NOS1AP: variants seen among roughly 807,000 people sequenced by gnomAD.
NOS1AP encodes the protein carboxyl-terminal PDZ ligand of neuronal nitric oxide synthase protein.
A neutral mutation model predicts 56.2 loss-of-function variants in NOS1AP; 21 were observed. That is an observed-to-expected ratio of 0.37 (90% CI 0.26 to 0.54). NOS1AP has a LOEUF of 0.54. NOS1AP is among the 20% of genes least tolerant of loss of function. The probability of loss-of-function intolerance (pLI) is 0.84; values close to 1 mark genes in which losing one functional copy is unlikely to be tolerated. For missense variants in NOS1AP, 522 were observed against 657.8 expected (o/e 0.79, Z 2.26); for synonymous variants, 270 against 274.6 (o/e 0.98, Z 0.17).
chr1:162,277,755 C>T (rs1186586386), intron 2 of NOS1AP, among the ~76,000 whole-genome samples: 1 of 152,210 alleles, frequency 6.6e-6, no homozygotes, highest in African/African-American at 2.4e-5. Flanking sequence ...TTGTGTTCAC[C>T]TGTGCTGGCA....
intron 2 of NOS1AP, among the ~76,000 whole-genome samples, chr1:162,191,937 A>G (rs971359114): frequency 1.3e-5 from 2 of 152,100 alleles, no homozygotes; most frequent in African/African-American, 2.4e-5. Flanking sequence ...GTTCTATTCT[A>G]CTGCTACTCA....
chr1:162,103,512 G>A (rs1363636888), intron 1 of NOS1AP, among the ~76,000 whole-genome samples: 1 of 152,132 alleles, frequency 6.6e-6, no homozygotes, highest in Non-Finnish European at 1.5e-5. Context: ...TCAATGGTCT[G>A]TCTAATATTG....
At chr1:162,223,062 C>A (rs1652839112) in intron 2 of NOS1AP, among the ~76,000 whole-genome samples, 1 of 152,164 alleles carries the variant, frequency 6.6e-6, no homozygotes, top group African/African-American at 2.4e-5. Context: ...GACGTTGTAA[C>A]ATTTTATTCA....
intron 5 of NOS1AP, chr1:162,342,579 T>A (rs1447942359): frequency 2.0e-6 from 1 of 493,010 alleles, no homozygotes; most frequent in Non-Finnish European, 4.2e-6. Context: ...CATTGTAATA[T>A]GAGCTTCATT....
chr1:162,331,436 G>A (rs1333245998), intron 4 of NOS1AP, among the ~76,000 whole-genome samples: 3 of 152,166 alleles, frequency 2.0e-5, no homozygotes, highest in Non-Finnish European at 4.4e-5. Flanking sequence ...GTAAGGGGAT[G>A]TAAGATGGCA....
intron 2 of NOS1AP, among the ~76,000 whole-genome samples, chr1:162,245,599 GC>G (rs1196969513): frequency 6.6e-6 from 1 of 152,234 alleles, no homozygotes; most frequent in Non-Finnish European, 1.5e-5. Context: ...AACCTTCATA[GC>G]AGCTTTAGCT....
At chr1:162,228,081 G>T (rs1206314941) in intron 2 of NOS1AP, among the ~76,000 whole-genome samples, 3 of 152,220 alleles carry the variant, frequency 2.0e-5, no homozygotes, top group African/African-American at 7.2e-5. Flanking sequence ...GAAGTCAACA[G>T]TCGAAGAGAT....
chr1:162,085,565 TG>T (rs1212213958), intron 1 of NOS1AP, among the ~76,000 whole-genome samples: 2 of 152,184 alleles, frequency 1.3e-5, no homozygotes, highest in African/African-American at 4.8e-5. Context: ...CCCCTGGGTT[TG>T]TTGCATTCTC....
intron 2 of NOS1AP, among the ~76,000 whole-genome samples, chr1:162,249,329 G>A (rs1653775730): frequency 6.6e-6 from 1 of 152,124 alleles, no homozygotes; most frequent in South Asian, 2.1e-4. Flanking sequence ...GGCTCCCACA[G>A]TGACCATCTA....
intron 1 of NOS1AP, among the ~76,000 whole-genome samples, chr1:162,105,572 G>T (rs931982343): frequency 2.6e-5 from 4 of 152,218 alleles, no homozygotes; most frequent in Non-Finnish European, 5.9e-5. Context: ...AGTAGGGAGA[G>T]ATCAGAGCTC....
At chr1:162,292,274 G>A (rs1227222630) in intron 3 of NOS1AP, among the ~76,000 whole-genome samples, 1 of 152,154 alleles carries the variant, frequency 6.6e-6, no homozygotes, top group Non-Finnish European at 1.5e-5. Context: ...TTAGCTTTAG[G>A]GGGCAGGGAC....
intron 2 of NOS1AP, among the ~76,000 whole-genome samples, chr1:162,186,993 G>C (rs543138807): frequency 6.6e-6 from 1 of 152,100 alleles, no homozygotes; most frequent in East Asian, 1.9e-4. Context: ...TTGAGACAGG[G>C]TCTCACTTTG....
At chr1:162,142,014 C>G (rs890271410) in intron 1 of NOS1AP, among the ~76,000 whole-genome samples, 1 of 151,676 alleles carries the variant, frequency 6.6e-6, no homozygotes, top group African/African-American at 2.4e-5. Context: ...GTGGGCCAAG[C>G]TTTGTACTGG....
chr1:162,335,471 T>C (rs1477705780), intron 5 of NOS1AP, among the ~76,000 whole-genome samples: 1 of 152,242 alleles, frequency 6.6e-6, no homozygotes, highest in Non-Finnish European at 1.5e-5. Flanking sequence ...AACATGGTGA[T>C]TTACCTTTTT....
chr1:162,212,223 G>A (rs1026792112), intron 2 of NOS1AP, among the ~76,000 whole-genome samples: 2 of 152,340 alleles, frequency 1.3e-5, no homozygotes, highest in South Asian at 4.1e-4. Flanking sequence ...GGAAGGTGTT[G>A]TTTGACATAT....
At position 162,367,443 on chromosome 1, in the gene NOS1AP, C is replaced by T. The variant is rs746917477; in HGVS notation, c.1497C>T (p.Gly499=). 54 of 1,571,598 alleles carry T rather than the reference C, an allele frequency of 3.4e-5. No homozygotes were observed. Among genetic ancestry groups the T allele is most frequent in the Non-Finnish European group, 4.6e-5 (53 of 1,155,094 alleles). The change falls in exon 10 of 10, where the codon GGC becomes GGT. Residue 499 remains glycine, a synonymous_variant. Coordinates refer to ENST00000361897, the MANE Select transcript of NOS1AP (RefSeq NM_014697.3). The surrounding 1 kb of genome is among the most constrained non-coding windows in gnomAD (Gnocchi z 6.5). Reference sequence around the variant, plus strand: ...TGCAGAGGCAGGAACTGGGCGACGGCCTGGATGATGAGATCGCCGTGTAGG... The same window carrying T: ...TGCAGAGGCAGGAACTGGGCGACGGTCTGGATGATGAGATCGCCGTGTAGG... The part of the protein sequence containing the change: ...NVLQRQELGD[G]LDDEIAV
chr1:162,253,188 C>A (rs1006087808), intron 2 of NOS1AP, among the ~76,000 whole-genome samples: 31 of 152,176 alleles, frequency 2.0e-4, no homozygotes, highest in African/African-American at 7.5e-4. Flanking sequence ...CTCTTGTTCT[C>A]TTTCTCTCTT....
intron 2 of NOS1AP, among the ~76,000 whole-genome samples, chr1:162,279,445 A>G (rs567818900): frequency 6.6e-6 from 1 of 152,270 alleles, no homozygotes; most frequent in East Asian, 1.9e-4. Context: ...GACACTGTGG[A>G]AATGCAGCCT....
intron 2 of NOS1AP, among the ~76,000 whole-genome samples, chr1:162,264,468 C>CT (rs1344402726): frequency 0.64 from 7,905 of 12,424 alleles, 2,504 homozygotes; most frequent in East Asian, 0.9. Flanking sequence ...CTCTTCTCCT[C>CT]CCCTCCCCTC....
Sources: allele counts gnomAD v4.1 joint callset (sites outside exome capture counted in the v4.1 genomes callset), GRCh38; gene constraint gnomAD v4.1.1; non-coding constraint Gnocchi (gnomAD v3.1); transcripts MANE v1.5; gene names NCBI Gene and HGNC (gene_info 2026-07-23, HGNC 2026-07-21).